Variants in TBC1D31 observed in about 807,000 individuals in gnomAD.
The protein encoded by TBC1D31 is TBC1 domain family member 31.
TBC1D31 carries 99 observed loss-of-function variants against 132.9 expected under a neutral mutation model. That is an observed-to-expected ratio of 0.74 (90% CI 0.63 to 0.88). The LOEUF is 0.88. Among genes scored for constraint, TBC1D31 ranks in the 40% least tolerant of loss-of-function variants. The pLI, the probability that TBC1D31 is intolerant of heterozygous loss-of-function variation, is 0.00. For missense variants in TBC1D31, 1,134 were observed against 1,256.6 expected, an observed-to-expected ratio of 0.90 and a Z score of 1.48; for synonymous variants, 385 against 419.4, an observed-to-expected ratio of 0.92 and a Z score of 1.00.
At chr8:123,110,909 A>C (rs559321927) in intron 10 of TBC1D31, among the ~76,000 whole-genome samples, 1 of 152,258 alleles carries the variant, frequency 6.6e-6, no homozygotes, top group African/African-American at 2.4e-5. Flanking sequence ...TAATCTATAG[A>C]CTCTGATACC....
chr8:123,119,554 G>A (rs116502451), intron 10 of TBC1D31, among the ~76,000 whole-genome samples: 2,109 of 152,128 alleles, frequency 0.014, 43 homozygotes, highest in African/African-American at 0.048. Context: ...CTACCCGCAA[G>A]AAAGATTAGC....
chr8:123,101,938 G>T (rs975178149), intron 7 of TBC1D31, among the ~76,000 whole-genome samples: 10 of 152,102 alleles, frequency 6.6e-5, no homozygotes, highest in African/African-American at 2.4e-4. Flanking sequence ...TCCTTCGCCT[G>T]TTGAATTAAG....
intron 4 of TBC1D31, among the ~76,000 whole-genome samples, chr8:123,087,418 T>G (rs958420550): frequency 1.3e-5 from 2 of 152,218 alleles, no homozygotes; most frequent in African/African-American, 2.4e-5. Flanking sequence ...TACTTTGTAG[T>G]CTCCATGGAA....
chr8:123,110,076 A>G (rs561457401), intron 10 of TBC1D31, among the ~76,000 whole-genome samples: 7 of 152,334 alleles, frequency 4.6e-5, no homozygotes, highest in African/African-American at 1.7e-4. Flanking sequence ...CCTGGGCGAC[A>G]GGGCAAGACT....
Position 123,152,024 on chromosome 8 carries a change from C to A in TBC1D31, c.*85C>A. 1 of 1,246,916 alleles carries A rather than the reference C, an allele frequency of 8.0e-7. No individual in the cohort carries two copies. Among genetic ancestry groups the A allele is most frequent in the Non-Finnish European group, 1.0e-6 (1 of 958,446 alleles). The allele number at this position is 1,246,916 out of a possible 1,614,324, so 77.2% of individuals were successfully genotyped here. ...TTTTTAGATTATTTATTTAAAATTC[C>A]TATAAAGATCAGCCCTTTGTACAGA... On this transcript the variant is annotated 3_prime_UTR_variant, in exon 22 of 22. Coordinates refer to ENST00000287380, the MANE Select transcript of TBC1D31 (RefSeq NM_145647.4).
At chr8:123,131,500 C>T (rs1045949341) in intron 16 of TBC1D31, among the ~76,000 whole-genome samples, 12 of 151,144 alleles carry the variant, frequency 7.9e-5, no homozygotes, top group Non-Finnish European at 1.8e-4. Flanking sequence ...GTTTTTGTAA[C>T]CTGCTTTTTA....
chr8:123,078,872 G>A (rs997207823), intron 2 of TBC1D31, among the ~76,000 whole-genome samples: 23 of 151,960 alleles, frequency 1.5e-4, no homozygotes, highest in African/African-American at 5.5e-4. Context: ...ATTAATTATA[G>A]AAGAAAAAAA....
chr8:123,133,304 A>G (rs1203013534), intron 16 of TBC1D31, among the ~76,000 whole-genome samples: 1 of 152,178 alleles, frequency 6.6e-6, no homozygotes, highest in East Asian at 1.9e-4. Flanking sequence ...TCCTGGCATT[A>G]TTACTGTTCT....
At chr8:123,084,097 A>G in intron 3 of TBC1D31, 65 bp from the exon 4 acceptor site, 1 of 1,365,854 alleles carries the variant, frequency 7.3e-7, no homozygotes, top group Non-Finnish European at 1.0e-6. Context: ...TATGGTGTTT[A>G]TATGTAATGT....
intron 13 of TBC1D31, among the ~76,000 whole-genome samples, chr8:123,127,438 G>T (rs944808247): frequency 6.6e-6 from 1 of 150,822 alleles, no homozygotes; most frequent in African/African-American, 2.4e-5. Flanking sequence ...GCCCAGCTAA[G>T]TTTTTTATAT....
rs777068341 is a variant in TBC1D31 at position 123,100,850 on chromosome 8, A to G, written c.875A>G (p.Asn292Ser). 1 of 1,613,978 alleles carries G rather than the reference A, an allele frequency of 6.2e-7. No individual in the cohort carries two copies. Among genetic ancestry groups the G allele is most frequent in the Admixed American group, 1.7e-5 (1 of 60,022 alleles). ...CAAGATGGTATTATGAGATTTATCA[A>G]TATGCAGACTTGTAAACTTCTCTTT... is the stretch of plus-strand genomic sequence containing the variant. ...LSQDGIMRFI[N>S]MQTCKLLFEI... Residue 292 changes from asparagine to serine, a missense_variant, in exon 7 of 22, where the codon AAT becomes AGT. Physicochemically the swap from Asn to Ser is conservative, Grantham distance 46. Coordinates refer to ENST00000287380, the MANE Select transcript of TBC1D31 (RefSeq NM_145647.4).
At chr8:123,153,158 G>C (rs1021314247), downstream of TBC1D31, among the ~76,000 whole-genome samples, 1 of 152,120 alleles carries the variant, frequency 6.6e-6, no homozygotes, top group Non-Finnish European at 1.5e-5. Flanking sequence ...GCTGGTGTGT[G>C]TTTTTTGACA....
At chr8:123,127,415 T>C (rs1331046718) in intron 13 of TBC1D31, among the ~76,000 whole-genome samples, 1 of 151,306 alleles carries the variant, frequency 6.6e-6, no homozygotes, top group African/African-American at 2.4e-5. Context: ...GGATTACAGG[T>C]GCCCGCCACC....
chr8:123,125,769 G>A (rs1222704357), intron 11 of TBC1D31, among the ~76,000 whole-genome samples: 1 of 152,156 alleles, frequency 6.6e-6, no homozygotes, highest in Non-Finnish European at 1.5e-5. Context: ...AACAAAGCAG[G>A]AGTCAGGAGC....
intron 10 of TBC1D31, among the ~76,000 whole-genome samples, chr8:123,118,087 A>G (rs1819120162): frequency 6.6e-6 from 1 of 152,228 alleles, no homozygotes; most frequent in East Asian, 1.9e-4. Context: ...TTCCTCAAAA[A>G]TGGCATCATC....
chr8:123,148,961 CG>C (rs1217370539), intron 20 of TBC1D31, among the ~76,000 whole-genome samples: 2 of 151,906 alleles, frequency 1.3e-5, no homozygotes, highest in African/African-American at 4.8e-5. Flanking sequence ...GCAGGAGAAT[CG>C]CTTGAACCCA....
chr8:123,142,515 A>G (rs1488810883), intron 19 of TBC1D31, 59 bp downstream of exon 19: 2 of 1,297,158 alleles, frequency 1.5e-6, no homozygotes, highest in East Asian at 5.4e-5. Flanking sequence ...TTTTTTTTTA[A>G]AAGACAGAGT....
At chr8:123,079,371 T>C (rs1038891146) in intron 2 of TBC1D31, among the ~76,000 whole-genome samples, 2 of 152,214 alleles carry the variant, frequency 1.3e-5, no homozygotes, top group African/African-American at 2.4e-5. Context: ...TCTTGGTAAC[T>C]TAAATAGTTA....
chr8:123,101,385 A>C (rs991153849), intron 7 of TBC1D31, among the ~76,000 whole-genome samples: 54 of 152,132 alleles, frequency 3.5e-4, no homozygotes, highest in African/African-American at 1.3e-3. Context: ...ACTAAGTCAT[A>C]TAACTTGTTT....
Sources: gnomAD v4.1 joint callset for allele counts (sites outside exome capture counted in the v4.1 genomes callset) on GRCh38, gnomAD v4.1.1 for gene constraint, MANE v1.5 for transcripts, NCBI Gene and HGNC (gene_info 2026-07-23, HGNC 2026-07-21) for gene names.